SLC24A4: variants seen among roughly 807,000 people sequenced by gnomAD.
The protein encoded by SLC24A4 is solute carrier family 24 member 4, also known as sodium/potassium/calcium exchanger 4.
A neutral mutation model predicts 79.0 loss-of-function variants in SLC24A4; 53 were observed. The ratio of observed to expected loss-of-function variants is 0.67; its 90% CI spans 0.54 to 0.84. SLC24A4 has a LOEUF of 0.84. Ranked by LOEUF, SLC24A4 falls within the 40% of genes least tolerant of loss-of-function variation. The probability of loss-of-function intolerance (pLI) is 0.00; values close to 1 mark genes in which losing one functional copy is unlikely to be tolerated. For missense variants in SLC24A4, 731 were observed against 822.0 expected, an observed-to-expected ratio of 0.89 and a Z score of 1.35; for synonymous variants, 323 against 323.8, an observed-to-expected ratio of 1.00 and a Z score of 0.03.
rs548700423 is a variant in SLC24A4 at position 92,398,100 on chromosome 14, C to T, written c.242-35812C>T. Among the ~76,000 whole-genome samples the T allele has an allele frequency of 1.3e-5, 2 of 152,288 alleles. No homozygotes were observed. Among genetic ancestry groups the T allele is most frequent in the African/African-American group, 4.8e-5 (2 of 41,536 alleles). On this transcript the variant is annotated intron_variant, in intron 2 of 16. Transcript: ENST00000532405. This position sits in a 1 kb window ranked among gnomAD's most constrained non-coding sequence, Gnocchi z 4.1. ...CCATTGGGCAGTGAGGATCTGGGGC[C>T]GTGGCTGCCATCCCTTTAGGTCCAC...
intron 12 of SLC24A4, among the ~76,000 whole-genome samples, chr14:92,465,535 T>C (rs1410623414): frequency 6.6e-6 from 1 of 152,158 alleles, no homozygotes; most frequent in Admixed American, 6.5e-5. Flanking sequence ...CAGTGGTCCC[T>C]GGAATGGGGT....
chr14:92,414,467 G>A (rs1032654745), intron 2 of SLC24A4, among the ~76,000 whole-genome samples: 1 of 152,182 alleles, frequency 6.6e-6, no homozygotes, highest in African/African-American at 2.4e-5. Context: ...CTGGCATGGT[G>A]GCTCACTCCT....
chr14:92,481,026 C>T (rs920006699), intron 12 of SLC24A4, among the ~76,000 whole-genome samples: 3 of 152,226 alleles, frequency 2.0e-5, no homozygotes, highest in Non-Finnish European at 4.4e-5. Context: ...TGGATCCAAT[C>T]GTTCTCCCAG....
chr14:92,336,156 G>A (rs986928163), intron 2 of SLC24A4, among the ~76,000 whole-genome samples: 4 of 152,110 alleles, frequency 2.6e-5, no homozygotes, highest in African/African-American at 4.8e-5. Flanking sequence ...TGAACCCTGA[G>A]GAACGTTCCT....
intron 2 of SLC24A4, among the ~76,000 whole-genome samples, chr14:92,404,899 A>G (rs1890294457): frequency 6.6e-6 from 1 of 152,212 alleles, no homozygotes; most frequent in African/African-American, 2.4e-5. Flanking sequence ...GGCACATAAT[A>G]GGTCCTCAGT....
At chr14:92,431,717 CAG>C (rs1401678627) in intron 2 of SLC24A4, among the ~76,000 whole-genome samples, 2 of 152,174 alleles carry the variant, frequency 1.3e-5, no homozygotes, top group Non-Finnish European at 2.9e-5. Flanking sequence ...AGCATGCACA[CAG>C]GGGTGCAAAG....
chr14:92,414,924 T>G (rs984706213), intron 2 of SLC24A4, among the ~76,000 whole-genome samples: 1 of 152,210 alleles, frequency 6.6e-6, no homozygotes, highest in Non-Finnish European at 1.5e-5. Context: ...TCTGTGTGGG[T>G]GGAGGTCACC....
chr14:92,462,085 G>C (rs951963526), intron 12 of SLC24A4: 1 of 152,206 alleles, frequency 6.6e-6, no homozygotes, highest in African/African-American at 2.4e-5. Flanking sequence ...GGGGCTCCCC[G>C]AGTCACACAG....
At chr14:92,439,221 C>A in intron 3 of SLC24A4, 114 bp from the exon 4 acceptor site, 2 of 805,694 alleles carry the variant, frequency 2.5e-6, no homozygotes, top group African/African-American at 1.7e-5. Context: ...TCCTGTGTGC[C>A]CCGCTCTGTC....
intron 2 of SLC24A4, among the ~76,000 whole-genome samples, chr14:92,349,093 G>T (rs1426226414): frequency 2.0e-5 from 3 of 151,678 alleles, no homozygotes; most frequent in African/African-American, 7.3e-5. Flanking sequence ...AAAAAAAAAG[G>T]CCTGTGTAAG....
chr14:92,332,779 G>A lies in SLC24A4; in HGVS notation c.241+6801G>A, dbSNP rs570115368. ...TCTCTTTATTATCACTTTTTAATAT[G>A]CTCAACCCAAAGATGATATAATGCC... is the stretch of plus-strand genomic sequence containing the variant. On this transcript the variant is annotated intron_variant, in intron 2 of 16. Transcript: ENST00000532405. Among the ~76,000 whole-genome samples the A allele has an allele frequency of 2.0e-4, 31 of 152,268 alleles. 1 individual carries two copies. The South Asian group carries it at 6.4e-3, about 32-fold the overall frequency.
chr14:92,400,176 C>T lies in SLC24A4; in HGVS notation c.242-33736C>T, dbSNP rs569113279. Among the ~76,000 whole-genome samples the T allele has an allele frequency of 4.6e-5, 7 of 152,262 alleles. No homozygotes were observed. The South Asian group carries it at 1.5e-3, about 32-fold the overall frequency. ...GAGTTGGAGGCCGAGCGTGGTGGCT[C>T]ACGCCTGTAATCCCAGCACTTTGGG... On this transcript the variant is annotated intron_variant, in intron 2 of 16. Coordinates refer to ENST00000532405, the MANE Select transcript of SLC24A4 (RefSeq NM_153646.4).
chr14:92,336,298 T>C (rs928422382), intron 2 of SLC24A4, among the ~76,000 whole-genome samples: 5 of 152,222 alleles, frequency 3.3e-5, no homozygotes, highest in Admixed American at 2.6e-4. Flanking sequence ...TGTCCATTAT[T>C]GAAGAGGCCT....
chr14:92,431,105 C>T (rs558040461), intron 2 of SLC24A4, among the ~76,000 whole-genome samples: 8 of 152,368 alleles, frequency 5.3e-5, no homozygotes, highest in Admixed American at 3.3e-4. Context: ...CATTGTCTTG[C>T]TCTTTCTCTC....
At chr14:92,469,305 G>A (rs532668199) in intron 12 of SLC24A4, among the ~76,000 whole-genome samples, 244 of 152,236 alleles carry the variant, frequency 1.6e-3, no homozygotes, top group Non-Finnish European at 3.0e-3. Flanking sequence ...TCAGGAGATC[G>A]AGACTATCCT....
chr14:92,475,080 CA>C (rs1894694467), intron 12 of SLC24A4, among the ~76,000 whole-genome samples: 2 of 151,412 alleles, frequency 1.3e-5, no homozygotes, highest in Non-Finnish European at 2.9e-5. Flanking sequence ...CTTCTATTGA[CA>C]AATAGTATCA....
chr14:92,498,145 G>A lies in SLC24A4; in HGVS notation c.*4517G>A, dbSNP rs1050245676. ...AAGTCCATCAACCCCCATCTACCCC[G>A]GGCCTGAAGCGCTGCGCTTGCTCTC... is the stretch of plus-strand genomic sequence containing the variant. On this transcript the variant is annotated 3_prime_UTR_variant, in exon 17 of 17. Transcript: ENST00000532405. The A allele has an allele frequency of 2.6e-5, 4 of 152,260 alleles. No homozygotes were observed. The highest frequency in any genetic ancestry group is 6.5e-5 in the Admixed American group (1 of 15,278). 9.4% of individuals were successfully genotyped at this position (152,260 alleles called of 1,614,324 possible). A position where few individuals can be genotyped will look rare whatever the true frequency, so the allele number is the denominator to read the frequency against.
At chr14:92,439,225 C>G (rs931703210) in intron 3 of SLC24A4, 110 bp from the exon 4 acceptor site, 9 of 843,368 alleles carry the variant, frequency 1.1e-5, no homozygotes, top group Non-Finnish European at 1.8e-5. Context: ...GTGTGCCCCG[C>G]TCTGTCCGCC....
chr14:92,359,723 C>A (rs1212440045), intron 2 of SLC24A4, among the ~76,000 whole-genome samples: 2 of 152,190 alleles, frequency 1.3e-5, no homozygotes, highest in Non-Finnish European at 1.5e-5. Flanking sequence ...AGAAGCAGAG[C>A]ATTGCCAGGC....
Sources: allele counts gnomAD v4.1 joint callset (sites outside exome capture counted in the v4.1 genomes callset), GRCh38; gene constraint gnomAD v4.1.1; non-coding constraint Gnocchi (gnomAD v3.1); transcripts MANE v1.5; gene names NCBI Gene and HGNC (gene_info 2026-07-23, HGNC 2026-07-21).